The following RAG1 variants were observed in gnomAD, a reference collection of about 807,000 sequenced individuals.
The protein encoded by RAG1 is V(D)J recombination-activating protein 1.
In RAG1, 35 loss-of-function variants were observed where a neutral mutation model predicts 62.7. The ratio of observed to expected loss-of-function variants is 0.56; its 90% CI spans 0.43 to 0.74. The LOEUF (loss-of-function observed/expected upper bound fraction) is 0.74, where lower values mean the gene tolerates loss of function less well. Ranked by LOEUF, RAG1 falls within the 30% of genes least tolerant of loss-of-function variation. RAG1 has a pLI of 0.00. For synonymous variants in RAG1, 461 were observed against 470.3 expected (o/e 0.98, Z 0.26); for missense variants, 1,169 against 1,278.6 (o/e 0.91, Z 1.31).
chr11:36,512,198 A>G (rs919535538), intron 1 of RAG1, among the ~76,000 whole-genome samples: 1 of 152,192 alleles, frequency 6.6e-6, no homozygotes, highest in African/African-American at 2.4e-5. Context: ...CCTGTGAGCT[A>G]TGACGAGAAG....
intron 3 of RAG1, among the ~76,000 whole-genome samples, chr11:36,549,446 A>T (rs1471575446): frequency 6.6e-6 from 1 of 152,248 alleles, no homozygotes; most frequent in Non-Finnish European, 1.5e-5. Context: ...AAACAACCCT[A>T]TCAAAAAGTG....
rs550985019 is a variant in RAG1 at position 36,573,580 on chromosome 11, C to A, written c.276C>A (p.His92Gln). ...KAHPKFSKKF[H>Q]DNEKARGKAI... ...ACCCTAAGTTTTCAAAGAAATTTCA[C>A]GACAACGAGAAAGCAAGAGGCAAAG... The change falls in exon 2 of 2, where the codon CAC (histidine) becomes CAA (glutamine). Residue 92 changes from histidine (H) to glutamine (Q), a missense_variant. This residue lies in a region of RAG1 where 369 missense variants were observed against 335.3 expected (regional missense o/e 1.10). Transcript: ENST00000299440. 5.0e-6 allele frequency: 8 copies of A among 1,614,058 alleles called. No individual in the cohort carries two copies. Among genetic ancestry groups the A allele is most frequent in the African/African-American group, 2.7e-5 (2 of 74,912 alleles).
In RAG1 at chr11:36,551,088, T is replaced by G. The variant is rs978270225; in HGVS notation, c.-411-12297T>G. 2.0e-5 allele frequency among the ~76,000 whole-genome samples: 3 copies of G among 152,130 alleles called. No homozygotes were observed. The East Asian group carries it at 5.8e-4, about 29-fold the overall frequency. On this transcript the variant is annotated intron_variant and NMD_transcript_variant, in intron 3 of 9. Coordinates refer to the RAG1 transcript ENST00000534663. ...AACTCTCCTACAGAATATCAAATTG[T>G]AGTCAGAATGTTGCTTAGTGAGAAT...
chr11:36,519,373 C>T lies in RAG1; in HGVS notation n.331-759C>T, dbSNP rs139792357. The stretch of plus-strand genomic sequence containing the variant: ...ACAGTTGGAAACTGAAATTCAACAG[C>T]TTTAGTTGCATTGCTCTTAAAGTCA... On this transcript the variant is annotated intron_variant and non_coding_transcript_variant, in intron 1 of 2. Coordinates refer to the RAG1 transcript ENST00000529126. 6.4e-3 allele frequency among the ~76,000 whole-genome samples: 972 copies of T among 152,288 alleles called. 10 individuals carry two copies. Among genetic ancestry groups the T allele is most frequent in the Middle Eastern group, 0.014 (4 of 294 alleles).
Position 36,575,458 on chromosome 11 carries a change from G to T in RAG1, c.2154G>T (p.Val718=). The T allele has an allele frequency of 6.2e-7, 1 of 1,614,188 alleles. No homozygotes were observed. The change falls in exon 2 of 2, where the codon GTG becomes GTT. Residue 718 remains valine, a synonymous_variant. Coordinates refer to ENST00000299440, the MANE Select transcript of RAG1 (RefSeq NM_000448.3). This position sits in a 1 kb window ranked among gnomAD's most constrained non-coding sequence, Gnocchi z 4.1. ...TGYDEKLVRE[V]EGLEASGSVY... ...ATGATGAAAAACTTGTGCGGGAAGT[G>T]GAAGGCCTCGAGGCTTCTGGCTCAG... is the stretch of plus-strand genomic sequence containing the variant.
At position 36,551,675 on chromosome 11, in the gene RAG1, T is replaced by C. The variant is rs530200639; in HGVS notation, c.-411-11710T>C. On this transcript the variant is annotated intron_variant and NMD_transcript_variant, in intron 3 of 9. Coordinates refer to the RAG1 transcript ENST00000534663. Reference sequence around the variant, plus strand: ...ACATTGTGCAGGTTAGTTACATATGTATACATGTGCCATGCTGGTGCACTG... The same window carrying C: ...ACATTGTGCAGGTTAGTTACATATGCATACATGTGCCATGCTGGTGCACTG... Among the ~76,000 whole-genome samples, 238 of 145,912 alleles carry C rather than the reference T, an allele frequency of 1.6e-3. 1 individual carries two copies. The highest frequency in any genetic ancestry group is 5.7e-3 in the African/African-American group (225 of 39,420).
Position 36,573,854 on chromosome 11 carries a change from C to T in RAG1, c.550C>T (p.His184Tyr), listed in dbSNP as rs1850788811. The change falls in exon 2 of 2, where the codon CAC (histidine) becomes TAC (tyrosine). Residue 184 changes from histidine (H) to tyrosine (Y), a missense_variant. Around this residue, in one of 2 missense-constraint regions of RAG1, gnomAD observed 369 missense variants for 335.3 expected, o/e 1.10. Transcript: ENST00000299440. ...CTGCCATAACTGCTGGAGCATCATG[C>T]ACAGGAAGTTTAGCAGTGCCCCATG... ...EFCHNCWSIMHRKFSSAPCEV... is the reference protein window; with the variant it reads ...EFCHNCWSIMYRKFSSAPCEV... The T allele has an allele frequency of 4.3e-6, 7 of 1,614,040 alleles. No individual in the cohort carries two copies. The highest frequency in any genetic ancestry group is 5.9e-6 in the Non-Finnish European group (7 of 1,180,046).
downstream of RAG1, among the ~76,000 whole-genome samples, chr11:36,540,982 G>A (rs1706060240): frequency 6.6e-6 from 1 of 152,198 alleles, no homozygotes; most frequent in South Asian, 2.1e-4. Flanking sequence ...TGTGAGAAAA[G>A]AGGGATTGGG....
intron 2 of RAG1, among the ~76,000 whole-genome samples, chr11:36,529,343 G>A (rs1330621756): frequency 6.6e-6 from 1 of 152,064 alleles, no homozygotes; most frequent in African/African-American, 2.4e-5. Context: ...TTCAACATAC[G>A]CAAATCAATA....
intron 2 of RAG1, among the ~76,000 whole-genome samples, chr11:36,523,825 C>T (rs1021965112): frequency 6.6e-6 from 1 of 152,082 alleles, no homozygotes; most frequent in African/African-American, 2.4e-5. Context: ...ATGCTTTACT[C>T]GGTTTCTACC....
chr11:36,528,204 CA>C (rs1860195755), intron 2 of RAG1, among the ~76,000 whole-genome samples: 1 of 152,130 alleles, frequency 6.6e-6, no homozygotes, highest in Non-Finnish European at 1.5e-5. Context: ...TTCTCAGCAC[CA>C]CATCACACTT....
intron 3 of RAG1, among the ~76,000 whole-genome samples, chr11:36,551,778 C>A (rs1293582244): frequency 7.2e-6 from 1 of 138,806 alleles, no homozygotes; most frequent in East Asian, 2.2e-4. Context: ...CCACCACAGT[C>A]CCCAGAGTGT....
Position 36,522,725 on chromosome 11 carries a change from A to G in RAG1, n.428+2496A>G, listed in dbSNP as rs544104672. ...CATTCAACACCAGCCTGTGAAAGCA[A>G]CTGGGAGGGGCTGTACCCTGCAAAG... is the stretch of plus-strand genomic sequence containing the variant. On this transcript the variant is annotated intron_variant and non_coding_transcript_variant, in intron 2 of 2. Transcript: ENST00000529126. Among the ~76,000 whole-genome samples, 466 of 152,318 alleles carry G rather than the reference A, an allele frequency of 3.1e-3. 1 individual carries two copies. Among genetic ancestry groups the G allele is most frequent in the Admixed American group, 5.2e-3 (79 of 15,290 alleles).
At chr11:36,561,948 A>T (rs1015403398) in intron 3 of RAG1, among the ~76,000 whole-genome samples, 1 of 152,154 alleles carries the variant, frequency 6.6e-6, no homozygotes, top group Non-Finnish European at 1.5e-5. Flanking sequence ...AGAATGGCCA[A>T]TGTCAGCGTA....
In RAG1 at chr11:36,578,660, A is replaced by G. The variant is rs1375690257; in HGVS notation, c.*2224A>G. On this transcript the variant is annotated 3_prime_UTR_variant, in exon 2 of 2. Transcript: ENST00000299440. ...CATGATTTATAGCACAACCTTTCCA[A>G]TAATCCCTTAATCAGATCACATTTT... 6.0e-6 allele frequency: 1 copy of G among 167,088 alleles called. No individual in the cohort carries two copies. Among genetic ancestry groups the G allele is most frequent in the Non-Finnish European group, 1.5e-5 (1 of 68,124 alleles). The allele number at this position is 167,088 out of a possible 1,614,324, so 10.4% of individuals were successfully genotyped here. A position where few individuals can be genotyped will look rare whatever the true frequency, so the allele number is the denominator to read the frequency against.
chr11:36,544,635 T>A (rs192444950), intron 3 of RAG1, among the ~76,000 whole-genome samples: 9 of 152,332 alleles, frequency 5.9e-5, no homozygotes, highest in African/African-American at 2.2e-4. Context: ...ACAATAACTC[T>A]TGAAGACCGT....
intron 1 of RAG1, among the ~76,000 whole-genome samples, chr11:36,514,933 G>T (rs1859976152): frequency 6.6e-6 from 1 of 152,190 alleles, no homozygotes; most frequent in Admixed American, 6.5e-5. Flanking sequence ...AACACCTATT[G>T]CAAAGGCCCT....
upstream of RAG1, chr11:36,567,293 A>G (rs564458634): frequency 1.3e-5 from 2 of 152,294 alleles, no homozygotes; most frequent in South Asian, 2.1e-4. Context: ...TAAATGACAC[A>G]TAAAACACTT....
chr11:36,527,701 T>G (rs1401616624), intron 2 of RAG1, among the ~76,000 whole-genome samples: 1 of 152,194 alleles, frequency 6.6e-6, no homozygotes, highest in Non-Finnish European at 1.5e-5. Context: ...TGATATTGAT[T>G]CTTCCTATCC....
Sources: allele counts gnomAD v4.1 joint callset (sites outside exome capture counted in the v4.1 genomes callset), GRCh38; gene constraint gnomAD v4.1.1; regional missense constraint gnomAD v4.1.1; non-coding constraint Gnocchi (gnomAD v3.1); transcripts MANE v1.5; gene names NCBI Gene and HGNC (gene_info 2026-07-23, HGNC 2026-07-21).